EYA1: variants seen among roughly 807,000 people sequenced by gnomAD.
EYA1 encodes the protein EYA transcriptional coactivator and phosphatase 1, also known as protein phosphatase EYA1.
Under a neutral mutation model 82.0 loss-of-function variants are expected in EYA1, and 16 were observed. That is an observed-to-expected ratio of 0.20 (90% confidence interval 0.13 to 0.30). The LOEUF is 0.30. Ranked by LOEUF, EYA1 falls within the 10% of genes least tolerant of loss-of-function variation. The probability of loss-of-function intolerance (pLI) is 1.00; values close to 1 mark genes in which losing one functional copy is unlikely to be tolerated. For missense variants in EYA1, 633 were observed against 730.7 expected (o/e 0.87, Z 1.54); for synonymous variants, 261 against 264.4 (o/e 0.99, Z 0.12).
chr8:71,514,357 A>G (rs1812810291), intron 2 of EYA1, among the ~76,000 whole-genome samples: 1 of 152,126 alleles, frequency 6.6e-6, no homozygotes. Context: ...ATTTTTAATT[A>G]AAATATTAAT....
intron 7 of EYA1, among the ~76,000 whole-genome samples, chr8:71,314,709 T>C (rs1307967849): frequency 6.6e-6 from 1 of 152,190 alleles, no homozygotes; most frequent in African/African-American, 2.4e-5. Flanking sequence ...GTATATCCAA[T>C]AGTCTAAAAC....
upstream of EYA1, among the ~76,000 whole-genome samples, chr8:71,365,449 T>C (rs530524420): frequency 1.2e-4 from 18 of 152,244 alleles, no homozygotes; most frequent in Admixed American, 2.6e-4. Context: ...CAAAATATAA[T>C]CAGCACTTAA....
chr8:71,374,498 C>T (rs936613254), intron 2 of EYA1, among the ~76,000 whole-genome samples: 8 of 152,008 alleles, frequency 5.3e-5, no homozygotes, highest in African/African-American at 1.7e-4. Flanking sequence ...TGTCGATGAA[C>T]GTGTGGAGAA....
At chr8:71,443,560 C>T (rs1806596248) in intron 2 of EYA1, among the ~76,000 whole-genome samples, 1 of 152,130 alleles carries the variant, frequency 6.6e-6, no homozygotes, top group African/African-American at 2.4e-5. Context: ...GGATTACAGG[C>T]AGAATTATTT....
At chr8:71,303,519 TAAC>T (rs1188922081) in intron 7 of EYA1, among the ~76,000 whole-genome samples, 1 of 142,276 alleles carries the variant, frequency 7.0e-6, no homozygotes, top group Admixed American at 7.0e-5. Context: ...CAAAATATAA[TAAC>T]AATACTAGAG....
At chr8:71,467,564 G>T (rs1397497680) in intron 2 of EYA1, among the ~76,000 whole-genome samples, 1 of 152,030 alleles carries the variant, frequency 6.6e-6, no homozygotes, top group Admixed American at 6.6e-5. Context: ...TGTCTCTAGG[G>T]TACTATTTAA....
chr8:71,389,664 A>G (rs1388094183), intron 2 of EYA1, among the ~76,000 whole-genome samples: 2 of 152,338 alleles, frequency 1.3e-5, no homozygotes, highest in Non-Finnish European at 1.5e-5. Context: ...ATTCAAAAAA[A>G]TCAAATGGTC....
At chr8:71,369,757 G>A (rs1298861605) in intron 2 of EYA1, among the ~76,000 whole-genome samples, 1 of 152,102 alleles carries the variant, frequency 6.6e-6, no homozygotes, top group Non-Finnish European at 1.5e-5. Flanking sequence ...CATGGCCCTG[G>A]TTTGTGAAAG....
intron 12 of EYA1, among the ~76,000 whole-genome samples, chr8:71,230,188 G>T (rs945796333): frequency 6.6e-6 from 1 of 151,886 alleles, no homozygotes; most frequent in East Asian, 1.9e-4. Flanking sequence ...AAAAAAAAAA[G>T]GTCTAAGGGC....
intron 7 of EYA1, among the ~76,000 whole-genome samples, chr8:71,315,234 AT>A (rs1189247753): frequency 3.9e-5 from 6 of 152,360 alleles, no homozygotes; most frequent in Middle Eastern, 3.4e-3. Context: ...TATAAGTCTC[AT>A]TTTAAAAAAT....
chr8:71,258,151 C>G (rs1444649681), intron 11 of EYA1, among the ~76,000 whole-genome samples: 1 of 152,188 alleles, frequency 6.6e-6, no homozygotes, highest in African/African-American at 2.4e-5. Flanking sequence ...CCCTACCAAA[C>G]AGCCTCCTCT....
At chr8:71,219,404 G>C (rs1241908598) in intron 12 of EYA1, among the ~76,000 whole-genome samples, 1 of 152,086 alleles carries the variant, frequency 6.6e-6, no homozygotes, top group Non-Finnish European at 1.5e-5. Context: ...TAATCTCTAA[G>C]GGGCCTCATC....
intron 2 of EYA1, among the ~76,000 whole-genome samples, chr8:71,467,998 G>A (rs1808903386): frequency 6.6e-6 from 1 of 152,078 alleles, no homozygotes; most frequent in Non-Finnish European, 1.5e-5. Flanking sequence ...AGTTTGAGCT[G>A]CTCAAGGGCA....
rs377139886 is a variant in EYA1 at position 71,231,596 on chromosome 8, C to A, written c.1140+13007G>T. Among the ~76,000 whole-genome samples the A allele has an allele frequency of 3.9e-5, 6 of 152,318 alleles. No homozygotes were observed. In the East Asian group the frequency reaches 1.2e-3, roughly 29 times the overall value. ...CCATCATTGCTGTGATGGAATTATTCTTTCACTTTTCTGTCTCTACCCAGT... is the reference window on the plus strand; with the variant it reads ...CCATCATTGCTGTGATGGAATTATTATTTCACTTTTCTGTCTCTACCCAGT... On this transcript the variant is annotated intron_variant, in intron 12 of 17. Transcript: ENST00000340726.
intron 10 of EYA1, among the ~76,000 whole-genome samples, chr8:71,270,844 G>A (rs1369162728): frequency 6.6e-6 from 1 of 152,102 alleles, no homozygotes; most frequent in Non-Finnish European, 1.5e-5. Context: ...TTTATGGCTG[G>A]GCGTGGTGGC....
intron 12 of EYA1, 41 bp from the exon 13 acceptor site, chr8:71,217,064 G>C: frequency 6.7e-7 from 1 of 1,489,462 alleles, no homozygotes; most frequent in South Asian, 1.1e-5. Flanking sequence ...TTTTTTAAGA[G>C]TACCTAATTT....
At chr8:71,408,834 G>A (rs1830427686) in intron 2 of EYA1, among the ~76,000 whole-genome samples, 1 of 120,810 alleles carries the variant, frequency 8.3e-6, no homozygotes, top group African/African-American at 3.6e-5. Context: ...AGTCAACAAG[G>A]ATACCCAGGA....
At chr8:71,483,145 T>C (rs912200825) in intron 2 of EYA1, among the ~76,000 whole-genome samples, 10 of 152,314 alleles carry the variant, frequency 6.6e-5, no homozygotes, top group African/African-American at 2.4e-4. Flanking sequence ...ACTCCAACCC[T>C]TCTAATTTAT....
At chr8:71,445,724 C>T (rs1378657524) in intron 2 of EYA1, among the ~76,000 whole-genome samples, 6 of 152,168 alleles carry the variant, frequency 3.9e-5, no homozygotes, top group Admixed American at 6.5e-5. Flanking sequence ...CTGCCAGCTC[C>T]GCCTCCCGGG....
Sources: gnomAD v4.1 joint callset for allele counts (sites outside exome capture counted in the v4.1 genomes callset) on GRCh38, gnomAD v4.1.1 for gene constraint, MANE v1.5 for transcripts, NCBI Gene and HGNC (gene_info 2026-07-23, HGNC 2026-07-21) for gene names.